The following RNF213 variants were observed in gnomAD, a reference collection of about 807,000 sequenced individuals.
RNF213 encodes the protein E3 ubiquitin-protein ligase RNF213.
In RNF213, 341 loss-of-function variants were observed where a neutral mutation model predicts 514.4. The ratio of observed to expected loss-of-function variants is 0.66; its 90% CI spans 0.61 to 0.73. RNF213 has a LOEUF of 0.73. RNF213 is among the 30% of genes least tolerant of loss of function. RNF213 has a pLI of 0.00. For synonymous variants in RNF213, 2,655 were observed against 2,658.2 expected, an observed-to-expected ratio of 1.00 and a Z score of 0.04; for missense variants, 5,767 against 6,615.6, an observed-to-expected ratio of 0.87 and a Z score of 4.45.
chr17:80,376,308 A>G lies in RNF213; in HGVS notation c.13193A>G (p.Glu4398Gly). ...AAGTTTTTTTCCTGTCAGCAATGTG[A>G]AGCTGTGAGCAAATTCATTGGCGAA... The part of the protein sequence containing the change: ...ASLHPTPEQC[E>G]AVSKFIGECK... Residue 4398 changes from glutamate to glycine, a missense_variant, in exon 52 of 68, where the codon GAA becomes GGA. By Grantham distance (98) the Glu-to-Gly change is moderately conservative. Transcript: ENST00000582970. 1 of 1,614,202 alleles carries G rather than the reference A, an allele frequency of 6.2e-7. No homozygotes were observed. Among genetic ancestry groups the G allele is most frequent in the Non-Finnish European group, 8.5e-7 (1 of 1,180,018 alleles).
chr17:80,361,924 G>T, intron 39 of RNF213, 36 bp downstream of exon 39: 1 of 1,600,328 alleles, frequency 6.2e-7, no homozygotes, highest in Non-Finnish European at 8.5e-7. Context: ...GTCAGGTGTA[G>T]AGCTTGCATG....
chr17:80,303,944 CT>C lies in RNF213; in HGVS notation c.2211-2307del, dbSNP rs1381859177. Among the ~76,000 whole-genome samples, 4 of 149,264 alleles carry C rather than the reference CT, an allele frequency of 2.7e-5. No homozygotes were observed. In the East Asian group the frequency reaches 7.8e-4, roughly 29 times the overall value. ...TTCATCTAAACTATTAACTCAGCCC[CT>C]GATAACAGAAGAGGCCACTAGATGA... On this transcript the variant is annotated intron_variant, in intron 11 of 67. Coordinates refer to ENST00000582970, the MANE Select transcript of RNF213 (RefSeq NM_001256071.3).
At position 80,377,742 on chromosome 17, in the gene RNF213, G is replaced by A. The variant is rs369740836; in HGVS notation, c.13511-20G>A. The A allele has an allele frequency of 6.2e-7, 1 of 1,614,112 alleles. No individual in the cohort carries two copies. The highest frequency in any genetic ancestry group is 2.2e-5 in the East Asian group (1 of 44,880). The stretch of plus-strand genomic sequence containing the variant: ...TGGGTGAAACCTCATTAGCCAATGT[G>A]TGTCCTGTTCTCTTCACAGCTTGTC... On this transcript the variant is annotated intron_variant, in intron 53 of 67. Transcript: ENST00000582970. This position sits in a 1 kb window ranked among gnomAD's most constrained non-coding sequence, Gnocchi z 4.1.
chr17:80,345,046 G>A lies in RNF213; in HGVS notation c.6711G>A (p.Pro2237=), dbSNP rs756514849. The A allele has an allele frequency of 3.7e-6, 6 of 1,613,882 alleles. No individual in the cohort carries two copies. Among genetic ancestry groups the A allele is most frequent in the African/African-American group, 1.3e-5 (1 of 74,850 alleles). The change falls in exon 29 of 68, where the codon CCG becomes CCA. Residue 2237 remains proline, a synonymous_variant. Transcript: ENST00000582970. This position sits in a 1 kb window ranked among gnomAD's most constrained non-coding sequence, Gnocchi z 6.0. ...GTGAGGCCTCTCTCTTCTGCAATCC[G>A]AGTTTTATTGGCGACACACTGAGGG... The part of the protein sequence containing the change: ...RDCEASLFCN[P]SFIGDTLRGF...
At chr17:80,384,908 G>C (rs1195787695) in intron 59 of RNF213, 131 bp from the exon 60 acceptor site, 1 of 943,574 alleles carries the variant, frequency 1.1e-6, no homozygotes, top group Non-Finnish European at 1.7e-6. Context: ...GCTCCACGCT[G>C]CATCACAGGA....
chr17:80,273,446 T>G, intron 3 of RNF213, 42 bp downstream of exon 3: 1 of 1,608,232 alleles, frequency 6.2e-7, no homozygotes, highest in Non-Finnish European at 8.5e-7. Context: ...CCGCTCACTC[T>G]GCCCAGGAAA....
chr17:80,362,089 G>GC (rs1449724592), intron 39 of RNF213, among the ~76,000 whole-genome samples: 2 of 152,152 alleles, frequency 1.3e-5, no homozygotes, highest in African/African-American at 4.8e-5. Flanking sequence ...TCAGTCCACC[G>GC]CCCAGGGGCT....
chr17:80,353,190 C>A lies in RNF213; in HGVS notation c.10423+131C>A. On this transcript the variant is annotated intron_variant, in intron 33 of 67. Coordinates refer to ENST00000582970, the MANE Select transcript of RNF213 (RefSeq NM_001256071.3). This position sits in a 1 kb window ranked among gnomAD's most constrained non-coding sequence, Gnocchi z 5.0. Reference sequence around the variant, plus strand: ...GTCCCTCGGCAGGAGCTCGGGGACACATCTGCAGAACTGACTGGTGGCTCA... The same window carrying A: ...GTCCCTCGGCAGGAGCTCGGGGACAAATCTGCAGAACTGACTGGTGGCTCA... The A allele has an allele frequency of 7.9e-7, 1 of 1,265,618 alleles. No individual in the cohort carries two copies. Among genetic ancestry groups the A allele is most frequent in the South Asian group, 1.3e-5 (1 of 79,182 alleles). The allele number at this position is 1,265,618 out of a possible 1,614,324, so 78.4% of individuals were successfully genotyped here.
intron 41 of RNF213, 27 bp from the exon 42 acceptor site, chr17:80,364,406 T>C: frequency 6.2e-7 from 1 of 1,613,548 alleles, no homozygotes; most frequent in Non-Finnish European, 8.5e-7. Flanking sequence ...GCCGAGTGAG[T>C]GAGTGAGTGG....
Position 80,389,269 on chromosome 17 carries a change from G to C in RNF213, c.15097G>C (p.Gly5033Arg). 1 of 1,614,172 alleles carries C rather than the reference G, an allele frequency of 6.2e-7. No homozygotes were observed. The highest frequency in any genetic ancestry group is 1.1e-5 in the South Asian group (1 of 91,082). Residue 5033 changes from glycine to arginine, a missense_variant, in exon 65 of 68, where the codon GGG (glycine) becomes CGG (arginine). By Grantham distance (125) the Gly-to-Arg change is moderately radical. This residue lies in a region of RNF213 where 1,245 missense variants were observed against 1,339.0 expected (regional missense o/e 0.93). Coordinates refer to ENST00000582970, the MANE Select transcript of RNF213 (RefSeq NM_001256071.3). ...EVLSVVEVTL[G>R]FLSTAGGDPN... ...GCTGTCTGTCGTAGAAGTCACTCTGGGGTTTCTGAGCACAGCTGGTGGGGA... is the reference window on the plus strand; with the variant it reads ...GCTGTCTGTCGTAGAAGTCACTCTGCGGTTTCTGAGCACAGCTGGTGGGGA...
In RNF213 at chr17:80,344,973, C is replaced by A; in HGVS notation, c.6638C>A (p.Ser2213Ter). 6.2e-7 allele frequency: 1 copy of A among 1,614,120 alleles called. No individual in the cohort carries two copies. The highest frequency in any genetic ancestry group is 1.1e-5 in the South Asian group (1 of 91,036). ...TGCGGGGTAATAAACCCATCCTGGTCAGAGCTTCGGAACTTTGCTCGGTTC... is the reference window on the plus strand; with the variant it reads ...TGCGGGGTAATAAACCCATCCTGGTAAGAGCTTCGGAACTTTGCTCGGTTC... ...FHCGVINPSWSELRNFARFLN... is the reference protein window; with the variant it reads ...FHCGVINPSW Residue 2213 changes from serine (S) to a stop codon, truncating the protein, a stop_gained, in exon 29 of 68, where the codon TCA becomes TAA. Transcript: ENST00000582970. LOFTEE classifies it high-confidence loss of function.
intron 21 of RNF213, among the ~76,000 whole-genome samples, chr17:80,332,998 C>T (rs911096393): frequency 1.9e-4 from 29 of 152,024 alleles, no homozygotes; most frequent in Middle Eastern, 3.2e-3. Flanking sequence ...TCTCCCAGTT[C>T]CACCCAAAAG....
chr17:80,353,694 T>C lies in RNF213; in HGVS notation c.10578+28T>C. ...AAGTTCTGGTTCTTGGGACCTCCCC[T>C]TGTGCTGCTGGTGATGCTTCTGAGC... On this transcript the variant is annotated intron_variant, in intron 34 of 67. Coordinates refer to ENST00000582970, the MANE Select transcript of RNF213 (RefSeq NM_001256071.3). This position sits in a 1 kb window ranked among gnomAD's most constrained non-coding sequence, Gnocchi z 5.0. The C allele has an allele frequency of 6.2e-7, 1 of 1,614,062 alleles. No individual in the cohort carries two copies. Among genetic ancestry groups the C allele is most frequent in the Non-Finnish European group, 8.5e-7 (1 of 1,179,924 alleles).
chr17:80,328,399 C>A lies in RNF213; in HGVS notation c.3439C>A (p.Leu1147Met), dbSNP rs779495624. ...AGCACTGGATTGGAGAAGGGAGGAACTGTTACTTCTAAAGAAAGAGAAAAG... is the reference window on the plus strand; with the variant it reads ...AGCACTGGATTGGAGAAGGGAGGAAATGTTACTTCTAAAGAAAGAGAAAAG... Reference protein sequence around the residue: ...EEALDWRREELLLLKKEKRCV... With the variant: ...EEALDWRREEMLLLKKEKRCV... The change falls in exon 20 of 68, where the codon CTG becomes ATG. Residue 1147 changes from leucine (L) to methionine (M), a missense_variant. By Grantham distance (15) the Leu-to-Met change is conservative. This residue lies in a region of RNF213 where 516 missense variants were observed against 566.5 expected (regional missense o/e 0.91). Transcript: ENST00000582970. 5 of 1,537,092 alleles carry A rather than the reference C, an allele frequency of 3.3e-6. No individual in the cohort carries two copies. Among genetic ancestry groups the A allele is most frequent in the Non-Finnish European group, 4.4e-6 (5 of 1,146,812 alleles).
intron 21 of RNF213, 116 bp downstream of exon 21, chr17:80,332,747 AG>A (rs2046450847): frequency 8.2e-7 from 1 of 1,226,306 alleles, no homozygotes; most frequent in Non-Finnish European, 1.1e-6. Context: ...AGCTTCCGTC[AG>A]GGGCTCCTGT....
At chr17:80,291,283 G>A (rs1040854521) in intron 7 of RNF213, among the ~76,000 whole-genome samples, 2 of 141,568 alleles carry the variant, frequency 1.4e-5, no homozygotes, top group African/African-American at 5.4e-5. Flanking sequence ...TTTTTTTAGA[G>A]AGGGGATCTT....
intron 23 of RNF213, 80 bp downstream of exon 23, chr17:80,336,458 T>C (rs935948438): frequency 6.5e-6 from 8 of 1,226,358 alleles, no homozygotes; most frequent in Non-Finnish European, 8.1e-6. Flanking sequence ...ACTGTGGAAA[T>C]GGTGGCACAC....
At chr17:80,384,628 C>T (rs572415185) in intron 59 of RNF213, among the ~76,000 whole-genome samples, 12 of 152,264 alleles carry the variant, frequency 7.9e-5, no homozygotes, top group East Asian at 5.8e-4. Context: ...AGTTTCACTA[C>T]GTCGAAGATG....
At position 80,381,651 on chromosome 17, in the gene RNF213, T is replaced by C. The variant is rs1176564625; in HGVS notation, c.13902T>C (p.Ser4634=). ...LEQLAKMLGH[S]ADETIGVVHL... ...AGTTGGCCAAGATGCTGGGACACAG[T>C]GCCGACGAGACCATCGGCGTGGTCC... Residue 4634 remains serine, a synonymous_variant, in exon 57 of 68, where the codon AGT becomes AGC. Coordinates refer to ENST00000582970, the MANE Select transcript of RNF213 (RefSeq NM_001256071.3). The C allele has an allele frequency of 8.1e-6, 13 of 1,614,102 alleles. No homozygotes were observed. Among genetic ancestry groups the C allele is most frequent in the Admixed American group, 3.3e-5 (2 of 60,006 alleles).
Sources: allele counts gnomAD v4.1 joint callset (sites outside exome capture counted in the v4.1 genomes callset), GRCh38; gene constraint gnomAD v4.1.1; regional missense constraint gnomAD v4.1.1; non-coding constraint Gnocchi (gnomAD v3.1); transcripts MANE v1.5; gene names NCBI Gene and HGNC (gene_info 2026-07-23, HGNC 2026-07-21).